ZMAT4: variants seen among roughly 807,000 people sequenced by gnomAD.
ZMAT4 encodes zinc finger matrin-type protein 4.
A neutral mutation model predicts 28.7 loss-of-function variants in ZMAT4; 17 were observed. That is an observed-to-expected ratio of 0.59 (90% confidence interval 0.41 to 0.89). ZMAT4 has a LOEUF of 0.89. Ranked by LOEUF, ZMAT4 falls within the 40% of genes least tolerant of loss-of-function variation. The probability of loss-of-function intolerance (pLI) is 0.00; values close to 1 mark genes in which losing one functional copy is unlikely to be tolerated. For missense variants in ZMAT4, 240 were observed against 283.8 expected (o/e 0.85, Z 1.11); for synonymous variants, 117 against 109.2 (o/e 1.07, Z -0.44).
At chr8:40,556,850 C>T (rs141279545) in intron 6 of ZMAT4, among the ~76,000 whole-genome samples, 1 of 152,156 alleles carries the variant, frequency 6.6e-6, no homozygotes, top group African/African-American at 2.4e-5. Context: ...TAAGTCCTTT[C>T]TTCTAGCTGC....
At chr8:40,608,001 T>C (rs1223604195) in intron 5 of ZMAT4, among the ~76,000 whole-genome samples, 1 of 151,928 alleles carries the variant, frequency 6.6e-6, no homozygotes, top group Non-Finnish European at 1.5e-5. Context: ...GGTCTTATGT[T>C]GGTTGGCCTT....
chr8:40,786,859 C>T (rs1333335600), intron 2 of ZMAT4: 2 of 567,890 alleles, frequency 3.5e-6, no homozygotes, highest in Non-Finnish European at 5.7e-6. Flanking sequence ...CTGTTCTAGG[C>T]CCACAAAGAG....
At chr8:40,606,290 T>A (rs1359250230) in intron 5 of ZMAT4, among the ~76,000 whole-genome samples, 1 of 152,220 alleles carries the variant, frequency 6.6e-6, no homozygotes, top group Non-Finnish European at 1.5e-5. Context: ...ATTTATGTTG[T>A]AAGGAGGTTC....
At chr8:40,607,771 G>A (rs1805649288) in intron 5 of ZMAT4, among the ~76,000 whole-genome samples, 1 of 152,052 alleles carries the variant, frequency 6.6e-6, no homozygotes, top group Non-Finnish European at 1.5e-5. Flanking sequence ...GACTTTCTGA[G>A]AGCCAAACTG....
chr8:40,621,179 C>A (rs117115724), intron 5 of ZMAT4, among the ~76,000 whole-genome samples: 3 of 152,072 alleles, frequency 2.0e-5, no homozygotes, highest in African/African-American at 7.2e-5. Flanking sequence ...TGGATCATCT[C>A]GGGAAAGTTA....
intron 6 of ZMAT4, among the ~76,000 whole-genome samples, chr8:40,567,722 CA>C (rs139227575): frequency 8.1e-5 from 12 of 147,266 alleles, no homozygotes; most frequent in African/African-American, 2.7e-4. Context: ...AAAGAAAGAA[CA>C]AAAAAAAACC....
At chr8:40,741,754 T>A (rs1812014399) in intron 3 of ZMAT4, among the ~76,000 whole-genome samples, 1 of 152,220 alleles carries the variant, frequency 6.6e-6, no homozygotes, top group African/African-American at 2.4e-5. Flanking sequence ...AGTGTCGGAC[T>A]GTCTCTAGGT....
intron 6 of ZMAT4, among the ~76,000 whole-genome samples, chr8:40,559,070 G>A (rs1803643208): frequency 6.6e-6 from 1 of 152,178 alleles, no homozygotes; most frequent in Non-Finnish European, 1.5e-5. Context: ...CAGCTAACAA[G>A]CACTGGCTTT....
Position 40,564,361 on chromosome 8 carries a change from G to T in ZMAT4, c.674+16804C>A, listed in dbSNP as rs540561001. Among the ~76,000 whole-genome samples the T allele has an allele frequency of 9.1e-4, 139 of 152,224 alleles. 1 individual carries two copies. The highest frequency in any genetic ancestry group is 3.2e-3 in the African/African-American group (131 of 41,544). On this transcript the variant is annotated intron_variant, in intron 6 of 6. Transcript: ENST00000297737. ...CCAACCCTGGACCCTAAAAGGCCAA[G>T]ATTTTCATTGCTGATGCCAGCTTCC...
intron 3 of ZMAT4, among the ~76,000 whole-genome samples, chr8:40,747,209 A>C (rs993707782): frequency 2.6e-5 from 4 of 152,232 alleles, no homozygotes; most frequent in African/African-American, 9.6e-5. Flanking sequence ...TTGGTTTATT[A>C]AATCATGGTA....
chr8:40,545,122 T>C (rs1300670695), intron 6 of ZMAT4, among the ~76,000 whole-genome samples: 1 of 152,074 alleles, frequency 6.6e-6, no homozygotes, highest in East Asian at 1.9e-4. Flanking sequence ...ACTGAGACCC[T>C]CATTCCAACA....
chr8:40,683,895 T>G (rs1172013546), intron 4 of ZMAT4, among the ~76,000 whole-genome samples: 2 of 151,964 alleles, frequency 1.3e-5, no homozygotes, highest in African/African-American at 4.8e-5. Flanking sequence ...CAAAACCCAG[T>G]CTCTACAAAA....
intron 2 of ZMAT4, among the ~76,000 whole-genome samples, chr8:40,809,511 G>T (rs926088840): frequency 6.6e-6 from 1 of 152,062 alleles, no homozygotes; most frequent in East Asian, 1.9e-4. Flanking sequence ...GAAATTAAAG[G>T]CATGGCTTTT....
At chr8:40,781,271 T>C (rs11985725) in intron 2 of ZMAT4, among the ~76,000 whole-genome samples, 19,621 of 151,864 alleles carry the variant, frequency 0.13, 1,818 homozygotes, top group East Asian at 0.37. Context: ...TCATTTCCAA[T>C]AGCATAAAAA....
intron 5 of ZMAT4, among the ~76,000 whole-genome samples, chr8:40,607,115 ATCTTTTTT>A (rs1426332329): frequency 1.1e-4 from 11 of 99,890 alleles, no homozygotes; most frequent in Non-Finnish European, 1.7e-4. Flanking sequence ...CATATCTTGT[ATCTTTTTT>A]TTTTTTTTTT....
At chr8:40,875,828 C>T (rs1317434201) in intron 1 of ZMAT4, among the ~76,000 whole-genome samples, 1 of 152,198 alleles carries the variant, frequency 6.6e-6, no homozygotes, top group Non-Finnish European at 1.5e-5. Context: ...GGACCCAACC[C>T]CCCTGAGACT....
intron 6 of ZMAT4, among the ~76,000 whole-genome samples, chr8:40,563,906 C>T (rs1803830169): frequency 1.3e-5 from 2 of 152,052 alleles, no homozygotes; most frequent in Admixed American, 6.6e-5. Context: ...CCTCCAGCCC[C>T]TACCCTTGCT....
intron 3 of ZMAT4, among the ~76,000 whole-genome samples, chr8:40,712,409 A>G (rs879724564): frequency 6.6e-5 from 10 of 152,236 alleles, no homozygotes; most frequent in Non-Finnish European, 1.2e-4. Flanking sequence ...CCAGACTCAG[A>G]TTTGTACTAA....
At chr8:40,597,139 G>A (rs1805133073) in intron 5 of ZMAT4, among the ~76,000 whole-genome samples, 3 of 152,144 alleles carry the variant, frequency 2.0e-5, no homozygotes, top group African/African-American at 7.2e-5. Context: ...TTCAGTATTG[G>A]CTTATTCAGT....
Sources: allele counts gnomAD v4.1 joint callset (sites outside exome capture counted in the v4.1 genomes callset), GRCh38; gene constraint gnomAD v4.1.1; transcripts MANE v1.5; gene names NCBI Gene and HGNC (gene_info 2026-07-23, HGNC 2026-07-21).